Variants in PLCXD3 observed in about 807,000 individuals in gnomAD.
PLCXD3 encodes the protein phosphatidylinositol specific phospholipase C X domain containing 3, also known as PI-PLC X domain-containing protein 3.
A neutral mutation model predicts 25.5 loss-of-function variants in PLCXD3; 19 were observed. The ratio of observed to expected loss-of-function variants is 0.75; its 90% CI spans 0.52 to 1.09. The LOEUF (loss-of-function observed/expected upper bound fraction) is 1.09. Among genes scored for constraint, PLCXD3 ranks in the 50% least tolerant of loss-of-function variants. The pLI is 0.00. For synonymous variants in PLCXD3, 174 were observed against 137.6 expected (o/e 1.26, Z -1.85); for missense variants, 411 against 388.1 (o/e 1.06, Z -0.50).
chr5:41,314,021 T>C (rs1345807337), intron 2 of PLCXD3, among the ~76,000 whole-genome samples: 2 of 152,238 alleles, frequency 1.3e-5, no homozygotes, highest in African/African-American at 4.8e-5. Flanking sequence ...TGTGATAGTT[T>C]ATAATGATGC....
intron 1 of PLCXD3, among the ~76,000 whole-genome samples, chr5:41,431,343 G>T (rs1281797575): frequency 6.6e-6 from 1 of 152,152 alleles, no homozygotes; most frequent in Non-Finnish European, 1.5e-5. Context: ...TATGCTAAGG[G>T]TTTGCAAAGT....
intron 1 of PLCXD3, among the ~76,000 whole-genome samples, chr5:41,485,660 A>G (rs975135266): frequency 6.6e-6 from 1 of 152,144 alleles, no homozygotes; most frequent in African/African-American, 2.4e-5. Flanking sequence ...TGCTGCAGAT[A>G]GGCTCTTCCT....
chr5:41,414,509 A>T (rs929298771), intron 1 of PLCXD3, among the ~76,000 whole-genome samples: 1 of 152,156 alleles, frequency 6.6e-6, no homozygotes, highest in Non-Finnish European at 1.5e-5. Flanking sequence ...CGAATATTTT[A>T]TTTCTTTACC....
At chr5:41,371,688 C>G (rs1002677206) in intron 2 of PLCXD3, among the ~76,000 whole-genome samples, 1 of 152,130 alleles carries the variant, frequency 6.6e-6, no homozygotes, top group East Asian at 1.9e-4. Flanking sequence ...CCTGCACGTT[C>G]AACTACATGT....
intron 2 of PLCXD3, among the ~76,000 whole-genome samples, chr5:41,362,956 T>G (rs1415677716): frequency 6.6e-6 from 1 of 152,230 alleles, no homozygotes; most frequent in East Asian, 1.9e-4. Context: ...TAGTGTTTAG[T>G]ATTTAGACAT....
chr5:41,425,715 A>G lies in PLCXD3; in HGVS notation c.104-43181T>C, dbSNP rs139049663. On this transcript the variant is annotated intron_variant, in intron 1 of 2. Coordinates refer to ENST00000377801, the MANE Select transcript of PLCXD3 (RefSeq NM_001005473.3). The stretch of plus-strand genomic sequence containing the variant: ...TTTTGTCGTTTTTAGAATGTCACAT[A>G]GTTGGAATTAAAAAGTATGGAGGCT... 3.9e-5 allele frequency among the ~76,000 whole-genome samples: 6 copies of G among 152,232 alleles called. No homozygotes were observed. In the East Asian group the frequency reaches 1.2e-3, roughly 29 times the overall value.
At chr5:41,389,828 A>C (rs114487266) in intron 1 of PLCXD3, among the ~76,000 whole-genome samples, 3,060 of 152,274 alleles carry the variant, frequency 0.02, 67 homozygotes, top group Admixed American at 0.034. Flanking sequence ...TTACATTGAC[A>C]TGTTCCTTTT....
At chr5:41,474,518 T>A (rs536312819) in intron 1 of PLCXD3, among the ~76,000 whole-genome samples, 1 of 152,306 alleles carries the variant, frequency 6.6e-6, no homozygotes, top group Admixed American at 6.5e-5. Flanking sequence ...GAAAGGCAAT[T>A]GAAAAATGTG....
intron 1 of PLCXD3, among the ~76,000 whole-genome samples, chr5:41,393,732 A>G (rs1298086508): frequency 6.6e-6 from 1 of 152,056 alleles, no homozygotes; most frequent in Non-Finnish European, 1.5e-5. Flanking sequence ...ATCCTGGCTA[A>G]CATGGTGAAA....
intron 1 of PLCXD3, among the ~76,000 whole-genome samples, chr5:41,444,877 G>A (rs1747460712): frequency 6.6e-6 from 1 of 152,164 alleles, no homozygotes; most frequent in Non-Finnish European, 1.5e-5. Context: ...CTATTAGTAT[G>A]AGTGTTCATG....
At chr5:41,336,111 G>A (rs1291451074) in intron 2 of PLCXD3, among the ~76,000 whole-genome samples, 1 of 152,136 alleles carries the variant, frequency 6.6e-6, no homozygotes, top group Admixed American at 6.5e-5. Flanking sequence ...ATAATAACAT[G>A]TGGCCTTTGG....
rs189348430 is a variant in PLCXD3, at chr5:41,474,500, T to A, written c.103+35924A>T. ...ACATTTCTCCCTTTTTGTTTTTGAATTAATTGAGAAAGGCAATTGAAAAAT... is the reference window on the plus strand; with the variant it reads ...ACATTTCTCCCTTTTTGTTTTTGAAATAATTGAGAAAGGCAATTGAAAAAT... On this transcript the variant is annotated intron_variant, in intron 1 of 2. Transcript: ENST00000377801. Among the ~76,000 whole-genome samples the A allele has an allele frequency of 1.1e-3, 168 of 152,344 alleles. 1 individual carries two copies. In the Middle Eastern group the frequency reaches 0.034, roughly 31 times the overall value.
intron 1 of PLCXD3, among the ~76,000 whole-genome samples, chr5:41,468,479 C>T (rs938497855): frequency 1.3e-5 from 2 of 152,260 alleles, no homozygotes; most frequent in African/African-American, 4.8e-5. Context: ...TGACTATTTT[C>T]ACAAAATTAA....
rs527592804 is a variant in PLCXD3, at chr5:41,445,889, T to TA, written c.104-63356dup. Among the ~76,000 whole-genome samples the TA allele has an allele frequency of 4.0e-5, 6 of 151,714 alleles. No individual in the cohort carries two copies. In the East Asian group the frequency reaches 1.2e-3, roughly 29 times the overall value. On this transcript the variant is annotated intron_variant, in intron 1 of 2. Coordinates refer to ENST00000377801, the MANE Select transcript of PLCXD3 (RefSeq NM_001005473.3). Reference sequence around the variant, plus strand: ...AAAAGTTAACAGTAAGTATTTAAATTAAAAAAAGAACAACGAGGCCGGGCG... The same window carrying TA: ...AAAAGTTAACAGTAAGTATTTAAATTAAAAAAAAGAACAACGAGGCCGGGCG...
intron 1 of PLCXD3, among the ~76,000 whole-genome samples, chr5:41,413,563 T>C (rs1746615151): frequency 6.6e-6 from 1 of 152,250 alleles, no homozygotes; most frequent in Non-Finnish European, 1.5e-5. Context: ...TGGCCAATCC[T>C]GCCAAAGAGA....
At chr5:41,501,251 A>G (rs1469056530) in intron 1 of PLCXD3, among the ~76,000 whole-genome samples, 2 of 152,074 alleles carry the variant, frequency 1.3e-5, no homozygotes, top group Admixed American at 6.6e-5. Flanking sequence ...CGAGATCTCT[A>G]TTCTCATTGC....
chr5:41,397,392 T>A (rs1300748140), intron 1 of PLCXD3, among the ~76,000 whole-genome samples: 1 of 152,204 alleles, frequency 6.6e-6, no homozygotes, highest in Admixed American at 6.5e-5. Context: ...CCACATGGTT[T>A]AGGGCCTTCA....
chr5:41,311,188 A>ACT lies in PLCXD3; in HGVS notation c.*2428_*2429insAG. On this transcript the variant is annotated 3_prime_UTR_variant, in exon 3 of 3. Coordinates refer to ENST00000377801, the MANE Select transcript of PLCXD3 (RefSeq NM_001005473.3). ...TGAATGAATAGCCAGTTAGAGAGAA[A>ACT]GTCTGCCCAAAAACCAAATTTACGG... is the stretch of plus-strand genomic sequence containing the variant. 1 of 152,188 alleles carries ACT rather than the reference A, an allele frequency of 6.6e-6. No homozygotes were observed. Among genetic ancestry groups the ACT allele is most frequent in the Admixed American group, 6.5e-5 (1 of 15,274 alleles). The allele number at this position is 152,188 out of a possible 1,614,324, so 9.4% of individuals were successfully genotyped here.
chr5:41,482,033 T>G (rs1487970053), intron 1 of PLCXD3, among the ~76,000 whole-genome samples: 1 of 152,162 alleles, frequency 6.6e-6, no homozygotes, highest in Non-Finnish European at 1.5e-5. Flanking sequence ...TTTTCTAAAT[T>G]TTGATGTGAA....
Sources: allele counts gnomAD v4.1 joint callset (sites outside exome capture counted in the v4.1 genomes callset), GRCh38; gene constraint gnomAD v4.1.1; transcripts MANE v1.5; gene names NCBI Gene and HGNC (gene_info 2026-07-23, HGNC 2026-07-21).